SYNDIG1L: variants seen among roughly 807,000 people sequenced by gnomAD.
SYNDIG1L encodes synapse differentiation-inducing gene protein 1-like.
SYNDIG1L carries 13 observed loss-of-function variants against 20.1 expected under a neutral mutation model. That is an observed-to-expected ratio of 0.65 (90% CI 0.42 to 1.03). The LOEUF is 1.03. Ranked by LOEUF, SYNDIG1L falls within the 50% of genes least tolerant of loss-of-function variation. The pLI is 0.00. For synonymous variants in SYNDIG1L, 128 were observed against 129.3 expected (o/e 0.99, Z 0.07); for missense variants, 294 against 305.1 (o/e 0.96, Z 0.27).
the SYNDIG1L span, among the ~76,000 whole-genome samples, chr14:74,468,940 C>T: frequency 6.6e-6 from 1 of 152,180 alleles, no homozygotes; most frequent in African/African-American, 2.4e-5. Context: ...CTTCCCTTCG[C>T]TTGGACACCT....
chr14:74,456,182 C>G, the SYNDIG1L span, among the ~76,000 whole-genome samples: 1 of 152,194 alleles, frequency 6.6e-6, no homozygotes, highest in Non-Finnish European at 1.5e-5. Context: ...GTCTCATCCC[C>G]TCTCTGGGTG....
chr14:74,474,422 C>G, the SYNDIG1L span: 1 of 152,250 alleles, frequency 6.6e-6, no homozygotes, highest in African/African-American at 2.4e-5. Flanking sequence ...AGGGGGTTGG[C>G]CAGGAACTTC....
chr14:74,431,076 G>A (rs2086299200), upstream of SYNDIG1L, among the ~76,000 whole-genome samples: 1 of 152,170 alleles, frequency 6.6e-6, no homozygotes, highest in South Asian at 2.1e-4. Context: ...ATGGGGCTGG[G>A]GGAGTTGCAG....
the SYNDIG1L span, among the ~76,000 whole-genome samples, chr14:74,433,966 T>C: frequency 2.6e-5 from 4 of 152,152 alleles, no homozygotes; most frequent in Non-Finnish European, 1.5e-5. Context: ...GTACACAAAT[T>C]TAAATGATAT....
chr14:74,443,969 C>T, the SYNDIG1L span, among the ~76,000 whole-genome samples: 1 of 152,220 alleles, frequency 6.6e-6, no homozygotes. Flanking sequence ...TCTCTCAACT[C>T]TTGCAGCTCT....
intron 1 of SYNDIG1L, among the ~76,000 whole-genome samples, chr14:74,410,632 G>A (rs539361212): frequency 3.3e-5 from 5 of 149,642 alleles, no homozygotes; most frequent in African/African-American, 1.2e-4. Context: ...GGAGGAAAGG[G>A]AACTGATCCT....
the SYNDIG1L span, among the ~76,000 whole-genome samples, chr14:74,465,090 G>C: frequency 6.6e-6 from 1 of 152,190 alleles, no homozygotes; most frequent in African/African-American, 2.4e-5. Flanking sequence ...CTGTGATTCA[G>C]GAGGCATGGC....
At chr14:74,448,452 C>A in the SYNDIG1L span, among the ~76,000 whole-genome samples, 3,651 of 152,144 alleles carry the variant, frequency 0.024, 147 homozygotes, top group African/African-American at 0.084. Context: ...ACATAACAAT[C>A]TATACAGTTA....
intron 1 of SYNDIG1L, among the ~76,000 whole-genome samples, chr14:74,412,874 C>T (rs1192120278): frequency 6.6e-6 from 1 of 152,188 alleles, no homozygotes; most frequent in East Asian, 1.9e-4. Flanking sequence ...TATGTCCCTT[C>T]AACCTGCAGC....
At chr14:74,408,132 G>T (rs1463321678) in intron 2 of SYNDIG1L, 143 bp from the exon 3 acceptor site, 3 of 969,130 alleles carry the variant, frequency 3.1e-6, no homozygotes, top group Non-Finnish European at 4.4e-6. Context: ...GGGGATGTAG[G>T]CTGGCCTTGG....
intron 1 of SYNDIG1L, among the ~76,000 whole-genome samples, chr14:74,423,482 C>T (rs933689521): frequency 6.6e-5 from 10 of 152,202 alleles, no homozygotes; most frequent in African/African-American, 2.2e-4. Flanking sequence ...GCTGCACCAA[C>T]AGCTGGGAGC....
At chr14:74,467,755 G>T in the SYNDIG1L span, among the ~76,000 whole-genome samples, 1 of 152,202 alleles carries the variant, frequency 6.6e-6, no homozygotes, top group African/African-American at 2.4e-5. Context: ...CTGATGGGGG[G>T]TGTGACCCAA....
At position 74,409,856 on chromosome 14, in the gene SYNDIG1L, C is replaced by T. The variant is rs1052072726; in HGVS notation, c.-57-55G>A. The T allele has an allele frequency of 2.5e-5, 32 of 1,280,612 alleles. No individual in the cohort carries two copies. In the African/African-American group the frequency reaches 4.3e-4, roughly 17 times the overall value. The allele number at this position is 1,280,612 out of a possible 1,614,324, so 79.3% of individuals were successfully genotyped here. ...GAGGCCAGGGCACTGGAGGCAGGAC[C>T]TAAAGTGGTGAAGAGCATGGGTCCT... On this transcript the variant is annotated intron_variant, in intron 1 of 3. Coordinates refer to ENST00000331628, the MANE Select transcript of SYNDIG1L (RefSeq NM_001105579.2).
At chr14:74,472,773 C>A in the SYNDIG1L span, among the ~76,000 whole-genome samples, 1 of 152,048 alleles carries the variant, frequency 6.6e-6, no homozygotes, top group African/African-American at 2.4e-5. Flanking sequence ...TGTGGGGCAG[C>A]ATTTCAGGCA....
At chr14:74,427,108 C>T (rs996265313), upstream of SYNDIG1L, among the ~76,000 whole-genome samples, 1 of 144,462 alleles carries the variant, frequency 6.9e-6, no homozygotes, top group Admixed American at 7.2e-5. Flanking sequence ...TCCACCTCCA[C>T]CTGCGTTTCC....
At chr14:74,411,074 G>T (rs1280095735) in intron 1 of SYNDIG1L, among the ~76,000 whole-genome samples, 1 of 152,190 alleles carries the variant, frequency 6.6e-6, no homozygotes, top group African/African-American at 2.4e-5. Flanking sequence ...AGGGGCCCCA[G>T]GGACCTCCTG....
At chr14:74,471,887 C>T in the SYNDIG1L span, 458 of 152,290 alleles carry the variant, frequency 3.0e-3, 1 homozygote, top group African/African-American at 0.01. Context: ...TCCTGAACTA[C>T]CACTGAAGTC....
At chr14:74,469,819 T>C in the SYNDIG1L span, among the ~76,000 whole-genome samples, 1 of 152,202 alleles carries the variant, frequency 6.6e-6, no homozygotes, top group Non-Finnish European at 1.5e-5. Context: ...CAGTAACCTT[T>C]AGGTGCTTTC....
At chr14:74,477,099 TC>T in the SYNDIG1L span, among the ~76,000 whole-genome samples, 2 of 85,592 alleles carry the variant, frequency 2.3e-5, no homozygotes, top group Non-Finnish European at 4.7e-5. Context: ...CAACCCTGTC[TC>T]CCCCCAGCCC....
Sources: gnomAD v4.1 joint callset for allele counts (sites outside exome capture counted in the v4.1 genomes callset) on GRCh38, gnomAD v4.1.1 for gene constraint, MANE v1.5 for transcripts, NCBI Gene and HGNC (gene_info 2026-07-23, HGNC 2026-07-21) for gene names.